The following SH2D1B variants were observed in gnomAD, a reference collection of about 807,000 sequenced individuals.
SH2D1B encodes the protein SH2 domain containing 1B.
A neutral mutation model predicts 16.3 loss-of-function variants in SH2D1B; 11 were observed. The ratio of observed to expected loss-of-function variants is 0.67; its 90% CI spans 0.42 to 1.11. The LOEUF is 1.11. Among genes scored for constraint, SH2D1B ranks in the 50% most tolerant of loss-of-function variants. The pLI is 0.00. For missense variants in SH2D1B, 123 were observed against 153.1 expected, an observed-to-expected ratio of 0.80 and a Z score of 1.04; for synonymous variants, 55 against 56.1, an observed-to-expected ratio of 0.98 and a Z score of 0.09.
In SH2D1B at chr1:162,412,013, C is replaced by T. The variant is rs773957628; in HGVS notation, c.4G>A (p.Asp2Asn). Residue 2 changes from aspartate (D) to asparagine (N), a missense_variant, in exon 1 of 4, where the codon GAT (aspartate) becomes AAT (asparagine). Asp to Asn is a conservative substitution (Grantham distance 23, BLOSUM62 1). Coordinates refer to ENST00000367929, the MANE Select transcript of SH2D1B (RefSeq NM_053282.5). ...AGACGTCCATGGTAGTAAGGCAGAT[C>T]CATGGAGAACGCTCTTGTATCCCAG... The part of the protein sequence containing the change: M[D>N]LPYYHGRLTK... 24 of 1,614,078 alleles carry T rather than the reference C, an allele frequency of 1.5e-5. No homozygotes were observed. The highest frequency in any genetic ancestry group is 1.9e-5 in the Non-Finnish European group (23 of 1,180,002).
chr1:162,397,371 T>C, intron 3 of SH2D1B, 56 bp from the exon 4 acceptor site: 5 of 1,594,296 alleles, frequency 3.1e-6, no homozygotes, highest in Non-Finnish European at 4.3e-6. Flanking sequence ...CCAGAAGTCA[T>C]ATCAAACAAC....
At chr1:162,402,079 A>G (rs1256311969) in intron 2 of SH2D1B, among the ~76,000 whole-genome samples, 2 of 152,124 alleles carry the variant, frequency 1.3e-5, no homozygotes, top group Non-Finnish European at 2.9e-5. Context: ...AAACACTCTG[A>G]CCTCTTTCCA....
Position 162,397,247 on chromosome 1 carries a change from C to T in SH2D1B, c.*33G>A, listed in dbSNP as rs747699821. On this transcript the variant is annotated 3_prime_UTR_variant, in exon 4 of 4. Transcript: ENST00000367929. Reference sequence around the variant, plus strand: ...GTCATCAGTGAGAACTGTTACTCATCTCTTCAACTTGCTTTGTCCGGCAGC... The same window carrying T: ...GTCATCAGTGAGAACTGTTACTCATTTCTTCAACTTGCTTTGTCCGGCAGC... 1 of 1,613,124 alleles carries T rather than the reference C, an allele frequency of 6.2e-7. No individual in the cohort carries two copies. The highest frequency in any genetic ancestry group is 8.5e-7 in the Non-Finnish European group (1 of 1,179,258).
chr1:162,405,275 G>T (rs945328755), intron 1 of SH2D1B, among the ~76,000 whole-genome samples: 8 of 152,198 alleles, frequency 5.3e-5, no homozygotes, highest in African/African-American at 1.9e-4. Flanking sequence ...GCATAGGTGG[G>T]AGGTATGTTG....
At chr1:162,410,295 G>C (rs924958209) in intron 1 of SH2D1B, among the ~76,000 whole-genome samples, 1 of 152,158 alleles carries the variant, frequency 6.6e-6, no homozygotes, top group Admixed American at 6.5e-5. Flanking sequence ...ACTGCTCCTT[G>C]GCCATAAATT....
At chr1:162,401,413 A>T (rs1648515661) in intron 2 of SH2D1B, among the ~76,000 whole-genome samples, 1 of 152,226 alleles carries the variant, frequency 6.6e-6, no homozygotes, top group Admixed American at 6.5e-5. Flanking sequence ...AATAATTTTT[A>T]AAAATTACCA....
At chr1:162,406,984 T>C (rs995446029) in intron 1 of SH2D1B, among the ~76,000 whole-genome samples, 1 of 152,250 alleles carries the variant, frequency 6.6e-6, no homozygotes, top group Non-Finnish European at 1.5e-5. Flanking sequence ...GACACTCTAT[T>C]ACATTGTAAG....
chr1:162,406,248 G>A (rs1191392200), intron 1 of SH2D1B, among the ~76,000 whole-genome samples: 1 of 152,148 alleles, frequency 6.6e-6, no homozygotes, highest in Non-Finnish European at 1.5e-5. Flanking sequence ...TTTCACAGAT[G>A]TAAGTACAAA....
At chr1:162,405,340 T>C (rs1648628312) in intron 1 of SH2D1B, among the ~76,000 whole-genome samples, 3 of 152,216 alleles carry the variant, frequency 2.0e-5, no homozygotes, top group Admixed American at 1.3e-4. Context: ...AATATGTTCA[T>C]TATCTTGGCT....
Position 162,398,790 on chromosome 1 carries a change from G to T in SH2D1B, c.363+133C>A, listed in dbSNP as rs1648437377. The stretch of plus-strand genomic sequence containing the variant: ...AGCACTTCTCAACAAAATGGAAATT[G>T]CTCTTAGTAGGATGAAGCTTTTTAG... On this transcript the variant is annotated intron_variant, in intron 3 of 3. Coordinates refer to ENST00000367929, the MANE Select transcript of SH2D1B (RefSeq NM_053282.5). 8 of 1,065,264 alleles carry T rather than the reference G, an allele frequency of 7.5e-6. No homozygotes were observed. The South Asian group carries it at 9.6e-5, about 13-fold the overall frequency. The allele number at this position is 1,065,264 out of a possible 1,614,324, so 66.0% of individuals were successfully genotyped here. A position where few individuals can be genotyped will look rare whatever the true frequency, so the allele number is the denominator to read the frequency against.
At chr1:162,400,339 T>G (rs1648484243) in intron 2 of SH2D1B, among the ~76,000 whole-genome samples, 1 of 143,230 alleles carries the variant, frequency 7.0e-6, no homozygotes, top group Non-Finnish European at 1.5e-5. Flanking sequence ...TGGCCCAGGC[T>G]GGAGTGCAGT....
Position 162,396,506 on chromosome 1 carries a change from T to C in SH2D1B, c.*774A>G, listed in dbSNP as rs1365016758. On this transcript the variant is annotated 3_prime_UTR_variant, in exon 4 of 4. Transcript: ENST00000367929. ...CCTAGTTGGGAACAGAAATCACACA[T>C]AGAATATTTTAGAAATCTCCACATA... The C allele has an allele frequency of 1.3e-5, 2 of 152,094 alleles. No individual in the cohort carries two copies. The highest frequency in any genetic ancestry group is 2.9e-5 in the Non-Finnish European group (2 of 68,038). 9.4% of individuals were successfully genotyped at this position (152,094 alleles called of 1,614,324 possible).
At chr1:162,401,659 T>C (rs1386316775) in intron 2 of SH2D1B, among the ~76,000 whole-genome samples, 1 of 152,172 alleles carries the variant, frequency 6.6e-6, no homozygotes, top group Non-Finnish European at 1.5e-5. Flanking sequence ...TACAGTACTA[T>C]TTGTTAATCT....
chr1:162,410,758 G>C (rs1648774331), intron 1 of SH2D1B, among the ~76,000 whole-genome samples: 1 of 150,890 alleles, frequency 6.6e-6, no homozygotes, highest in Non-Finnish European at 1.5e-5. Flanking sequence ...CCGGGTTCAA[G>C]TGATTCTCCT....
At chr1:162,404,071 C>T (rs1648594899) in intron 1 of SH2D1B, among the ~76,000 whole-genome samples, 1 of 152,192 alleles carries the variant, frequency 6.6e-6, no homozygotes, top group Non-Finnish European at 1.5e-5. Context: ...CACAGTGGCT[C>T]AGGCCTATAA....
intron 1 of SH2D1B, among the ~76,000 whole-genome samples, chr1:162,404,915 T>C (rs1156555488): frequency 6.6e-6 from 1 of 152,214 alleles, no homozygotes; most frequent in South Asian, 2.1e-4. Flanking sequence ...TAAGCCTACA[T>C]AGAACACACA....
At chr1:162,410,310 C>T (rs1648763259) in intron 1 of SH2D1B, among the ~76,000 whole-genome samples, 1 of 152,220 alleles carries the variant, frequency 6.6e-6, no homozygotes, top group South Asian at 2.1e-4. Context: ...TAAATTCCCA[C>T]TTGTCCATGC....
At chr1:162,397,426 T>G in intron 3 of SH2D1B, 111 bp from the exon 4 acceptor site, 1 of 1,120,768 alleles carries the variant, frequency 8.9e-7, no homozygotes, top group East Asian at 2.4e-5. Flanking sequence ...CAGAGCCATG[T>G]TGATGCCACC....
chr1:162,402,956 T>C (rs1223191648), intron 1 of SH2D1B, among the ~76,000 whole-genome samples, 154 bp from the exon 2 acceptor site: 2 of 150,496 alleles, frequency 1.3e-5, no homozygotes, highest in Non-Finnish European at 3.0e-5. Flanking sequence ...TCGCCCAGGC[T>C]GGAGTGCAGT....
Sources: gnomAD v4.1 joint callset for allele counts (sites outside exome capture counted in the v4.1 genomes callset) on GRCh38, gnomAD v4.1.1 for gene constraint, MANE v1.5 for transcripts, NCBI Gene and HGNC (gene_info 2026-07-23, HGNC 2026-07-21) for gene names.